Variants in TP63 observed in about 807,000 individuals in gnomAD.
The protein encoded by TP63 is tumor protein 63.
TP63 carries 17 observed loss-of-function variants against 82.8 expected under a neutral mutation model. The observed-to-expected ratio is 0.21, with a 90% CI of 0.14 to 0.31. TP63 has a LOEUF of 0.31. Among genes scored for constraint, TP63 ranks in the 10% least tolerant of loss-of-function variants. TP63 has a pLI of 1.00. For synonymous variants in TP63, 330 were observed against 321.7 expected, an observed-to-expected ratio of 1.03 and a Z score of -0.28; for missense variants, 648 against 895.3, an observed-to-expected ratio of 0.72 and a Z score of 3.52.
chr3:189,840,359 C>CTTTTT, intron 4 of TP63, among the ~76,000 whole-genome samples: 7 of 44,438 alleles, frequency 1.6e-4, no homozygotes, highest in East Asian at 8.3e-4. Flanking sequence ...TGCTTTTCGT[C>CTTTTT]TTTTTTTTTT....
chr3:189,751,137 A>G (rs1223342230), intron 3 of TP63, among the ~76,000 whole-genome samples: 3 of 152,318 alleles, frequency 2.0e-5, no homozygotes, highest in South Asian at 4.1e-4. Context: ...TGTCCCTGCA[A>G]AGGACATGAA....
intron 3 of TP63, among the ~76,000 whole-genome samples, chr3:189,742,128 AGCTACTCAGGAG>A (rs376607815): frequency 0.043 from 6,525 of 151,556 alleles, 197 homozygotes; most frequent in South Asian, 0.1. Context: ...CTGTAGTCCC[AGCTACTCAGGAG>A]GCTGAGGCAG....
chr3:189,765,725 G>T (rs898793350), intron 3 of TP63, among the ~76,000 whole-genome samples: 1 of 151,592 alleles, frequency 6.6e-6, no homozygotes, highest in East Asian at 1.9e-4. Context: ...GAGCCACCGC[G>T]CCCGGCCTGT....
chr3:189,734,134 C>T (rs13434203), intron 1 of TP63, among the ~76,000 whole-genome samples: 2 of 120,154 alleles, frequency 1.7e-5, no homozygotes, highest in Admixed American at 8.5e-5. Context: ...CTCTTTCCCT[C>T]CCTCCCTCCC....
chr3:189,685,666 A>C (rs2108705504), intron 1 of TP63, among the ~76,000 whole-genome samples: 1 of 152,346 alleles, frequency 6.6e-6, no homozygotes, highest in South Asian at 2.1e-4. Context: ...AGGAAAAAGA[A>C]AAGAAAGCTT....
chr3:189,837,225 C>G (rs574943221), intron 4 of TP63, among the ~76,000 whole-genome samples: 3 of 151,348 alleles, frequency 2.0e-5, no homozygotes, highest in African/African-American at 7.3e-5. Context: ...TTTTCTCTCT[C>G]TCTCTCTCCT....
intron 3 of TP63, among the ~76,000 whole-genome samples, chr3:189,749,446 G>T (rs2108519152): frequency 6.6e-6 from 1 of 152,246 alleles, no homozygotes; most frequent in Admixed American, 6.5e-5. Flanking sequence ...GAAAATGTCA[G>T]CATCACTAAT....
intron 3 of TP63, among the ~76,000 whole-genome samples, chr3:189,797,257 A>G (rs1342462324): frequency 2.0e-5 from 3 of 152,116 alleles, no homozygotes; most frequent in African/African-American, 7.2e-5. Context: ...TATGCTGGAA[A>G]CACTACAAAA....
In TP63 at chr3:189,864,457, G is replaced by T. The variant is rs766136969; in HGVS notation, c.766+39G>T. The T allele has an allele frequency of 1.9e-6, 3 of 1,556,136 alleles. No homozygotes were observed. The South Asian group carries it at 3.4e-5, about 18-fold the overall frequency. Reference sequence around the variant, plus strand: ...GAATCTCTAACTGTTCAACCTCCTTGAAGGTCAAGATTCTGTGGGCATTTT... The same window carrying T: ...GAATCTCTAACTGTTCAACCTCCTTTAAGGTCAAGATTCTGTGGGCATTTT... On this transcript the variant is annotated intron_variant, in intron 5 of 13. Transcript: ENST00000264731.
intron 4 of TP63, among the ~76,000 whole-genome samples, chr3:189,823,257 A>G (rs1469774694): frequency 6.6e-6 from 1 of 152,182 alleles, no homozygotes; most frequent in African/African-American, 2.4e-5. Context: ...GAAACTACAT[A>G]GGGTGAAGCT....
intron 1 of TP63, among the ~76,000 whole-genome samples, chr3:189,697,978 A>G (rs1349890565): frequency 6.6e-6 from 1 of 152,098 alleles, no homozygotes; most frequent in Admixed American, 6.6e-5. Flanking sequence ...ATCTGTGAAT[A>G]AAACCAGTTT....
At chr3:189,723,980 G>A (rs148040745) in intron 1 of TP63, among the ~76,000 whole-genome samples, 68 of 148,160 alleles carry the variant, frequency 4.6e-4, no homozygotes, top group African/African-American at 1.7e-3. Context: ...GCTTTTGCAA[G>A]TACTTTTTTG....
chr3:189,749,249 A>C (rs973081576), intron 3 of TP63, among the ~76,000 whole-genome samples: 1 of 152,192 alleles, frequency 6.6e-6, no homozygotes, highest in African/African-American at 2.4e-5. Context: ...AGAACAAAGA[A>C]ACACCTGTTG....
chr3:189,838,431 G>A (rs769088807), intron 4 of TP63, among the ~76,000 whole-genome samples: 1 of 152,162 alleles, frequency 6.6e-6, no homozygotes, highest in Non-Finnish European at 1.5e-5. Flanking sequence ...AGAATATTAA[G>A]TTTACAAAGA....
At position 189,894,612 on chromosome 3, in the gene TP63, G is replaced by C; in HGVS notation, c.*110G>C. On this transcript the variant is annotated 3_prime_UTR_variant, in exon 14 of 14. Coordinates refer to ENST00000264731, the MANE Select transcript of TP63 (RefSeq NM_003722.5). ...CTAGCTCCTCCCCTTCCTCTTGTCT[G>C]ATTTCTTAGGGGAAGGAGAAGTAAG... is the stretch of plus-strand genomic sequence containing the variant. 1 of 1,333,234 alleles carries C rather than the reference G, an allele frequency of 7.5e-7. No homozygotes were observed. Among genetic ancestry groups the C allele is most frequent in the Non-Finnish European group, 1.0e-6 (1 of 965,836 alleles). The allele number at this position is 1,333,234 out of a possible 1,614,324, so 82.6% of individuals were successfully genotyped here.
intron 10 of TP63, chr3:189,873,363 G>T: frequency 3.1e-6 from 1 of 324,980 alleles, no homozygotes; most frequent in South Asian, 2.8e-5. Context: ...TCATCCCAAT[G>T]GATTGTCTTA....
At chr3:189,809,848 G>A (rs760786528) in intron 4 of TP63, among the ~76,000 whole-genome samples, 1 of 152,126 alleles carries the variant, frequency 6.6e-6, no homozygotes, top group Non-Finnish European at 1.5e-5. Context: ...CTTCCACTGT[G>A]CTAGTGAGGA....
At chr3:189,600,002 G>C in the TP63 span, among the ~76,000 whole-genome samples, 185 of 152,228 alleles carry the variant, frequency 1.2e-3, no homozygotes, top group African/African-American at 4.3e-3. Flanking sequence ...TTCAAAAATG[G>C]ATACTATACC....
chr3:189,740,035 A>T (rs200246176), intron 3 of TP63, among the ~76,000 whole-genome samples: 2 of 60,654 alleles, frequency 3.3e-5, no homozygotes, highest in Non-Finnish European at 7.4e-5. Flanking sequence ...GAGAAAGTCA[A>T]TTGGAGAAAG....
Sources: gnomAD v4.1 joint callset for allele counts (sites outside exome capture counted in the v4.1 genomes callset) on GRCh38, gnomAD v4.1.1 for gene constraint, MANE v1.5 for transcripts, NCBI Gene and HGNC (gene_info 2026-07-23, HGNC 2026-07-21) for gene names.